MLYCD: variants seen among roughly 807,000 people sequenced by gnomAD.
The protein encoded by MLYCD is malonyl-CoA decarboxylase, mitochondrial.
Under a neutral mutation model 35.8 loss-of-function variants are expected in MLYCD, and 27 were observed. That is an observed-to-expected ratio of 0.75 (90% CI 0.56 to 1.04). The LOEUF is 1.04. Among genes scored for constraint, MLYCD ranks in the 50% least tolerant of loss-of-function variants. The probability of loss-of-function intolerance (pLI) is 0.00; values close to 1 mark genes in which losing one functional copy is unlikely to be tolerated. For missense variants in MLYCD, 917 were observed against 665.1 expected (o/e 1.38, Z -4.17); for synonymous variants, 403 against 302.4 (o/e 1.33, Z -3.45).
chr16:83,924,778 A>C lies in MLYCD; in HGVS notation c.*9289A>C, dbSNP rs1233786744. On this transcript the variant is annotated 3_prime_UTR_variant, in exon 5 of 5. Coordinates refer to ENST00000262430, the MANE Select transcript of MLYCD (RefSeq NM_012213.3). ...CACCTCTCCTTGCCAGCTCTCACCG[A>C]GGCCCCCGGTGACCTCCTAGGGGGT... is the stretch of plus-strand genomic sequence containing the variant. The C allele has an allele frequency of 6.6e-6, 1 of 152,100 alleles. No individual in the cohort carries two copies. Among genetic ancestry groups the C allele is most frequent in the Non-Finnish European group, 1.5e-5 (1 of 68,002 alleles). 9.4% of individuals were successfully genotyped at this position (152,100 alleles called of 1,614,324 possible).
chr16:83,912,508 G>C (rs556309198), intron 4 of MLYCD, 141 bp downstream of exon 4: 1 of 1,181,742 alleles, frequency 8.5e-7, no homozygotes, highest in South Asian at 1.3e-5. Context: ...AAAGGTGCCA[G>C]AGACCCCTTG....
rs1127382 is a variant in MLYCD at position 83,915,901 on chromosome 16, T to C, written c.*412T>C. 82,801 of 1,115,376 alleles carry C rather than the reference T, an allele frequency of 0.074. 4,285 individuals are homozygous for C. Among genetic ancestry groups the C allele is most frequent in the African/African-American group, 0.24 (14,650 of 62,300 alleles). The allele number at this position is 1,115,376 out of a possible 1,614,324, so 69.1% of individuals were successfully genotyped here. A position where few individuals can be genotyped will look rare whatever the true frequency, so the allele number is the denominator to read the frequency against. On this transcript the variant is annotated 3_prime_UTR_variant, in exon 5 of 5. Transcript: ENST00000262430. ...CCAGATAAGAATAGGTGTTCCTTTG[T>C]GCTCATAAAACAGAATGCGGCGATG...
Position 83,918,736 on chromosome 16 carries a change from ACAC to A in MLYCD, c.*3248_*3250del, listed in dbSNP as rs1907530443. The stretch of plus-strand genomic sequence containing the variant: ...AGAAAACGCACACACAGTGCACAGA[ACAC>A]AGTGCACAGGAGAACACGCACACAG... On this transcript the variant is annotated 3_prime_UTR_variant, in exon 5 of 5. Transcript: ENST00000262430. The A allele has an allele frequency of 6.7e-6, 1 of 148,822 alleles. No homozygotes were observed. Among genetic ancestry groups the A allele is most frequent in the African/African-American group, 2.5e-5 (1 of 40,070 alleles). 9.2% of individuals were successfully genotyped at this position (148,822 alleles called of 1,614,324 possible).
intron 3 of MLYCD, among the ~76,000 whole-genome samples, chr16:83,911,379 G>A (rs375416494): frequency 3.3e-5 from 5 of 152,216 alleles, no homozygotes; most frequent in South Asian, 4.1e-4. Flanking sequence ...ATCGAAGGTC[G>A]CTGGTAGAAG....
At position 83,915,293 on chromosome 16, in the gene MLYCD, T is replaced by A. The variant is rs1445369463; in HGVS notation, c.1286T>A (p.Val429Glu). Residue 429 changes from valine (V) to glutamate (E), a missense_variant, in exon 5 of 5, where the codon GTG becomes GAG. Transcript: ENST00000262430. ...VANFHLQNGA[V>E]LWRINWMADV... is the part of the protein sequence containing the mutation. Reference sequence around the variant, plus strand: ...AACTTCCACCTGCAGAACGGGGCGGTGCTGTGGCGCATCAACTGGATGGCG... The same window carrying A: ...AACTTCCACCTGCAGAACGGGGCGGAGCTGTGGCGCATCAACTGGATGGCG... 1 of 1,613,630 alleles carries A rather than the reference T, an allele frequency of 6.2e-7. No individual in the cohort carries two copies. Among genetic ancestry groups the A allele is most frequent in the Non-Finnish European group, 8.5e-7 (1 of 1,179,656 alleles).
chr16:83,921,027 A>G lies in MLYCD; in HGVS notation c.*5538A>G, dbSNP rs1417515154. 6.8e-6 allele frequency: 1 copy of G among 147,250 alleles called. No individual in the cohort carries two copies. Among genetic ancestry groups the G allele is most frequent in the Non-Finnish European group, 1.5e-5 (1 of 66,918 alleles). The allele number at this position is 147,250 out of a possible 1,614,324, so 9.1% of individuals were successfully genotyped here. On this transcript the variant is annotated 3_prime_UTR_variant, in exon 5 of 5. Coordinates refer to ENST00000262430, the MANE Select transcript of MLYCD (RefSeq NM_012213.3). ...TGGGTGGATGGATGGTGGAGGGTGG[A>G]TAGAAGGAAGATGGGTATATGAATA...
Position 83,915,404 on chromosome 16 carries a change from C to T in MLYCD, c.1397C>T (p.Thr466Ile). The T allele has an allele frequency of 6.2e-7, 1 of 1,613,906 alleles. No individual in the cohort carries two copies. Among genetic ancestry groups the T allele is most frequent in the Non-Finnish European group, 8.5e-7 (1 of 1,180,046 alleles). Reference sequence around the variant, plus strand: ...CTGGAGGAGACGGGCCCCAACAGCACCTCCTACCTCGGCTCCAAGATCATC... The same window carrying T: ...CTGGAGGAGACGGGCCCCAACAGCATCTCCTACCTCGGCTCCAAGATCATC... ...YFLEETGPNS[T>I]SYLGSKIIKA... Residue 466 changes from threonine to isoleucine, a missense_variant, in exon 5 of 5, where the codon ACC becomes ATC. By Grantham distance (89) the Thr-to-Ile change is moderately conservative. Transcript: ENST00000262430.
chr16:83,919,738 GTGCAC>G lies in MLYCD; in HGVS notation c.*4250_*4254del, dbSNP rs1907584651. 6.8e-6 allele frequency: 1 copy of G among 147,522 alleles called. No individual in the cohort carries two copies. Among genetic ancestry groups the G allele is most frequent in the African/African-American group, 2.6e-5 (1 of 38,836 alleles). 9.1% of individuals were successfully genotyped at this position (147,522 alleles called of 1,614,324 possible). A position where few individuals can be genotyped will look rare whatever the true frequency, so the allele number is the denominator to read the frequency against. On this transcript the variant is annotated 3_prime_UTR_variant, in exon 5 of 5. Coordinates refer to ENST00000262430, the MANE Select transcript of MLYCD (RefSeq NM_012213.3). ...GAACACACAGTGCACAGAACACACA[GTGCAC>G]AGAACACACGGTGCACAGGAGAACA...
chr16:83,907,887 CT>C (rs1157768811), intron 2 of MLYCD, among the ~76,000 whole-genome samples: 3 of 152,118 alleles, frequency 2.0e-5, no homozygotes, highest in Non-Finnish European at 4.4e-5. Flanking sequence ...TCACAAACTC[CT>C]TTTAAAACTG....
intron 2 of MLYCD, 31 bp downstream of exon 2, chr16:83,907,130 C>A: frequency 6.5e-7 from 1 of 1,533,424 alleles, no homozygotes; most frequent in African/African-American, 1.4e-5. Flanking sequence ...TTTCTTTGTA[C>A]ATACATTTTT....
At chr16:83,903,964 C>G (rs1006201293) in intron 1 of MLYCD, among the ~76,000 whole-genome samples, 1 of 152,176 alleles carries the variant, frequency 6.6e-6, no homozygotes, top group African/African-American at 2.4e-5. Flanking sequence ...CGTGCTGTGG[C>G]TCATCCCAGC....
chr16:83,902,148 T>C lies in MLYCD; in HGVS notation c.528+2476T>C, dbSNP rs1414585800. On this transcript the variant is annotated intron_variant, in intron 1 of 4. Coordinates refer to ENST00000262430, the MANE Select transcript of MLYCD (RefSeq NM_012213.3). ...ATGTGTATATGTGTGTGTGTGTGTG[T>C]GCGTGCGTATATATATATATATATA... is the stretch of plus-strand genomic sequence containing the variant. Among the ~76,000 whole-genome samples, 335 of 120,394 alleles carry C rather than the reference T, an allele frequency of 2.8e-3. 2 individuals are homozygous for C. Among genetic ancestry groups the C allele is most frequent in the African/African-American group, 0.01 (297 of 29,296 alleles). 79.0% of individuals were successfully genotyped at this position (120,394 alleles called of 152,430 possible).
intron 1 of MLYCD, among the ~76,000 whole-genome samples, chr16:83,903,003 G>T (rs943246806): frequency 6.6e-6 from 1 of 152,100 alleles, no homozygotes; most frequent in Admixed American, 6.6e-5. Context: ...TTTCTCCAGA[G>T]GCCCAGTTGG....
Position 83,899,347 on chromosome 16 carries a change from G to A in MLYCD, c.203G>A (p.Cys68Tyr). The change falls in exon 1 of 5, where the codon TGC becomes TAC. Residue 68 changes from cysteine (C) to tyrosine (Y), a missense_variant. By Grantham distance (194) the Cys-to-Tyr change is radical (BLOSUM62 -2). Transcript: ENST00000262430. Reference protein sequence around the residue: ...EKTPAPAEGQCADFVSFYGGL... With the variant: ...EKTPAPAEGQYADFVSFYGGL... ...ACACCGGCGCCCGCCGAGGGTCAGT[G>A]CGCGGACTTCGTGAGCTTCTACGGT... The A allele has an allele frequency of 2.0e-6, 3 of 1,521,774 alleles. No individual in the cohort carries two copies. The highest frequency in any genetic ancestry group is 2.6e-6 in the Non-Finnish European group (3 of 1,143,160). 94.3% of individuals were successfully genotyped at this position (1,521,774 alleles called of 1,614,324 possible).
At position 83,926,645 on chromosome 16, in the gene MLYCD, T is replaced by G. The variant is rs1260521160; in HGVS notation, c.*11156T>G. On this transcript the variant is annotated 3_prime_UTR_variant, in exon 5 of 5. Coordinates refer to ENST00000262430, the MANE Select transcript of MLYCD (RefSeq NM_012213.3). ...GATTTCGTCCTGTGAATGTTGATATTAGTGGTCCCTTCCTTCAGGGGCTGT... is the reference window on the plus strand; with the variant it reads ...GATTTCGTCCTGTGAATGTTGATATGAGTGGTCCCTTCCTTCAGGGGCTGT... The G allele has an allele frequency of 6.6e-6, 1 of 152,288 alleles. No individual in the cohort carries two copies. The highest frequency in any genetic ancestry group is 2.4e-5 in the African/African-American group (1 of 41,470). 9.4% of individuals were successfully genotyped at this position (152,288 alleles called of 1,614,324 possible). A position where few individuals can be genotyped will look rare whatever the true frequency, so the allele number is the denominator to read the frequency against.
At chr16:83,908,369 ATCC>A (rs1245889230) in intron 3 of MLYCD, 87 bp downstream of exon 3, 3 of 1,389,352 alleles carry the variant, frequency 2.2e-6, no homozygotes, top group Non-Finnish European at 2.9e-6. Flanking sequence ...ACTTGATTTT[ATCC>A]TCCTTTTTTT....
chr16:83,905,672 T>C (rs1217460359), intron 1 of MLYCD, among the ~76,000 whole-genome samples: 2 of 152,204 alleles, frequency 1.3e-5, no homozygotes, highest in African/African-American at 4.8e-5. Flanking sequence ...TCCTGCTGTC[T>C]TTTCAAGTTC....
At chr16:83,903,630 A>G (rs1906875180) in intron 1 of MLYCD, among the ~76,000 whole-genome samples, 1 of 152,236 alleles carries the variant, frequency 6.6e-6, no homozygotes, top group South Asian at 2.1e-4. Context: ...GGTGTCATAC[A>G]AGTCAATGGA....
intron 1 of MLYCD, among the ~76,000 whole-genome samples, chr16:83,903,658 C>G (rs1403855045): frequency 6.6e-6 from 1 of 152,170 alleles, no homozygotes; most frequent in East Asian, 1.9e-4. Context: ...ATACACAATA[C>G]ACAGAGCCGG....
Sources: gnomAD v4.1 joint callset for allele counts (sites outside exome capture counted in the v4.1 genomes callset) on GRCh38, gnomAD v4.1.1 for gene constraint, MANE v1.5 for transcripts, NCBI Gene and HGNC (gene_info 2026-07-23, HGNC 2026-07-21) for gene names.